ARIH1: variants seen among roughly 807,000 people sequenced by gnomAD.
ARIH1 encodes the protein ariadne RBR E3 ubiquitin protein ligase 1.
In ARIH1, 8 loss-of-function variants were observed where a neutral mutation model predicts 85.0. The ratio of observed to expected loss-of-function variants is 0.09; its 90% CI spans 0.06 to 0.17. The LOEUF is 0.17. ARIH1 is among the 10% of genes least tolerant of loss of function. The pLI, the probability that ARIH1 is intolerant of heterozygous loss-of-function variation, is 1.00. For synonymous variants in ARIH1, 238 were observed against 253.6 expected (o/e 0.94, Z 0.59); for missense variants, 311 against 718.1 (o/e 0.43, Z 6.48).
intron 1 of ARIH1, among the ~76,000 whole-genome samples, chr15:72,504,796 C>T (rs1179131393): frequency 6.6e-6 from 1 of 152,098 alleles, no homozygotes; most frequent in Non-Finnish European, 1.5e-5. Context: ...CCCCTGTCTG[C>T]CTAGAATGTC....
chr15:72,568,337 C>G (rs2064229864), intron 9 of ARIH1, among the ~76,000 whole-genome samples: 2 of 152,082 alleles, frequency 1.3e-5, no homozygotes, highest in South Asian at 4.1e-4. Flanking sequence ...TCCCAGAATT[C>G]TTTAATATGC....
intron 1 of ARIH1, among the ~76,000 whole-genome samples, chr15:72,506,351 C>CAAAAAAAAAAA (rs71134002): frequency 0.023 from 1,687 of 73,042 alleles, 318 homozygotes; most frequent in Middle Eastern, 0.16. Flanking sequence ...CTCCGTCTCA[C>CAAAAAAAAAAA]AAAAAAAAAA....
At chr15:72,526,150 ATATATT>A (rs1304432722) in intron 2 of ARIH1, among the ~76,000 whole-genome samples, 3 of 152,116 alleles carry the variant, frequency 2.0e-5, no homozygotes, top group Admixed American at 1.3e-4. Context: ...CCTTATTTCG[ATATATT>A]TAAAGATAAA....
chr15:72,602,947 T>C lies in ARIH1; in HGVS notation c.*19655T>C, dbSNP rs1406663208. 6.6e-6 allele frequency: 1 copy of C among 152,196 alleles called. No individual in the cohort carries two copies. Among genetic ancestry groups the C allele is most frequent in the African/African-American group, 2.4e-5 (1 of 41,452 alleles). 9.4% of individuals were successfully genotyped at this position (152,196 alleles called of 1,614,324 possible). A position where few individuals can be genotyped will look rare whatever the true frequency, so the allele number is the denominator to read the frequency against. ...TTGGCTCCCCGTCTCCATTTTGCTA[T>C]GGCAAACATTTTTTTCCAGAAATAT... On this transcript the variant is annotated 3_prime_UTR_variant, in exon 14 of 14. Transcript: ENST00000379887.
rs1238719830 is a variant in ARIH1 at position 72,593,922 on chromosome 15, GA to G, written c.*10636del. 2 of 149,354 alleles carry G rather than the reference GA, an allele frequency of 1.3e-5. No homozygotes were observed. Among genetic ancestry groups the G allele is most frequent in the East Asian group, 1.9e-4 (1 of 5,164 alleles). The allele number at this position is 149,354 out of a possible 1,614,324, so 9.3% of individuals were successfully genotyped here. ...ACCCTGTCAAAAAAAAAAAAGAAAA[GA>G]AAAAACTGCTAGAATCTTGATATGG... On this transcript the variant is annotated 3_prime_UTR_variant, in exon 14 of 14. Transcript: ENST00000379887.
rs541906397 is a variant in ARIH1 at position 72,526,967 on chromosome 15, G to C, written c.443+8833G>C. 3.3e-5 allele frequency among the ~76,000 whole-genome samples: 5 copies of C among 150,398 alleles called. No homozygotes were observed. The East Asian group carries it at 9.8e-4, about 30-fold the overall frequency. On this transcript the variant is annotated intron_variant, in intron 2 of 13. Coordinates refer to ENST00000379887, the MANE Select transcript of ARIH1 (RefSeq NM_005744.5). ...TTCTTTCCATGCCTCTCCAGATGAA[G>C]CAAAGCAAAGCATAAAATCAGAAAT...
intron 3 of ARIH1, among the ~76,000 whole-genome samples, chr15:72,554,716 G>T (rs989465346): frequency 6.6e-6 from 1 of 152,018 alleles, no homozygotes; most frequent in Non-Finnish European, 1.5e-5. Context: ...AGCTGTTCTA[G>T]TGAGGGTGAA....
In ARIH1 at chr15:72,602,803, C is replaced by T. The variant is rs1388637989; in HGVS notation, c.*19511C>T. 6.6e-6 allele frequency: 1 copy of T among 152,184 alleles called. No individual in the cohort carries two copies. Among genetic ancestry groups the T allele is most frequent in the Non-Finnish European group, 1.5e-5 (1 of 68,050 alleles). The allele number at this position is 152,184 out of a possible 1,614,324, so 9.4% of individuals were successfully genotyped here. A position where few individuals can be genotyped will look rare whatever the true frequency, so the allele number is the denominator to read the frequency against. ...TGACCTTACCCTGGTCCCTCAAGGA[C>T]TCTCCTTCTCCCCCAAATTAACTTT... On this transcript the variant is annotated 3_prime_UTR_variant, in exon 14 of 14. Transcript: ENST00000379887.
chr15:72,563,762 T>A (rs1249242050), intron 7 of ARIH1, among the ~76,000 whole-genome samples: 2 of 152,192 alleles, frequency 1.3e-5, no homozygotes, highest in African/African-American at 4.8e-5. Flanking sequence ...TATCTTCCTG[T>A]ATGCTCCACT....
At position 72,582,123 on chromosome 15, in the gene ARIH1, C is replaced by G; in HGVS notation, c.1525C>G (p.Leu509Val). 1 of 1,613,510 alleles carries G rather than the reference C, an allele frequency of 6.2e-7. No individual in the cohort carries two copies. Among genetic ancestry groups the G allele is most frequent in the Non-Finnish European group, 8.5e-7 (1 of 1,179,612 alleles). The change falls in exon 13 of 14, where the codon CTT becomes GTT. Residue 509 changes from leucine (L) to valine (V), a missense_variant. Around this residue, in one of 3 missense-constraint regions of ARIH1, gnomAD observed 50 missense variants for 311.7 expected, o/e 0.16. Coordinates refer to ENST00000379887, the MANE Select transcript of ARIH1 (RefSeq NM_005744.5). The surrounding 1 kb of genome is among the most constrained non-coding windows in gnomAD (Gnocchi z 4.6). ...TGCCACAGAGGTGCTCTCGGGCTAC[C>G]TTGAACGAGATATTTCCCAAGATTC... is the stretch of plus-strand genomic sequence containing the variant. Reference protein sequence around the residue: ...ENATEVLSGYLERDISQDSLQ... With the variant: ...ENATEVLSGYVERDISQDSLQ...
chr15:72,521,629 A>G (rs915909347), intron 2 of ARIH1, among the ~76,000 whole-genome samples: 1 of 151,570 alleles, frequency 6.6e-6, no homozygotes, highest in Non-Finnish European at 1.5e-5. Flanking sequence ...GCTCACTGCA[A>G]CCTCCGCCTT....
At position 72,474,866 on chromosome 15, in the gene ARIH1, CCGG is replaced by C. The variant is rs745337436; in HGVS notation, c.231_233del (p.Gly90del). On this transcript the variant is annotated inframe_deletion, in exon 1 of 14. Coordinates refer to ENST00000379887, the MANE Select transcript of ARIH1 (RefSeq NM_005744.5). ...GGTGGCGGCGGCAGCGCTCTGGGGCCCGGCGGTGGCGGCGGCGGCGGCGGCGGC... is the reference window on the plus strand; with the variant it reads ...GGTGGCGGCGGCAGCGCTCTGGGGCCCGGTGGCGGCGGCGGCGGCGGCGGC... The C allele has an allele frequency of 7.0e-7, 1 of 1,418,560 alleles. No homozygotes were observed. The highest frequency in any genetic ancestry group is 9.3e-7 in the Non-Finnish European group (1 of 1,079,936). The allele number at this position is 1,418,560 out of a possible 1,614,324, so 87.9% of individuals were successfully genotyped here. A position where few individuals can be genotyped will look rare whatever the true frequency, so the allele number is the denominator to read the frequency against.
intron 2 of ARIH1, among the ~76,000 whole-genome samples, chr15:72,531,449 G>C (rs1183084408): frequency 6.6e-6 from 1 of 152,000 alleles, no homozygotes; most frequent in South Asian, 2.1e-4. Context: ...AGTATTTTTA[G>C]TAGAGATGGG....
chr15:72,559,203 T>C (rs1215307336), intron 5 of ARIH1, among the ~76,000 whole-genome samples: 4 of 152,136 alleles, frequency 2.6e-5, no homozygotes, highest in Admixed American at 2.6e-4. Context: ...GGTTGAAAAA[T>C]ATTCATAAAT....
intron 1 of ARIH1, among the ~76,000 whole-genome samples, chr15:72,476,182 CT>C (rs907400710): frequency 1.3e-5 from 2 of 152,112 alleles, no homozygotes; most frequent in Non-Finnish European, 2.9e-5. Context: ...CTATTATTAA[CT>C]GATTTTTATA....
chr15:72,549,650 G>T (rs1034863636), intron 3 of ARIH1, among the ~76,000 whole-genome samples: 70 of 152,040 alleles, frequency 4.6e-4, no homozygotes, highest in Non-Finnish European at 5.6e-4. Context: ...AAACAAAGGG[G>T]TTTCAATTTT....
intron 2 of ARIH1, among the ~76,000 whole-genome samples, chr15:72,537,673 A>G (rs2064088765): frequency 6.6e-6 from 1 of 152,202 alleles, no homozygotes; most frequent in East Asian, 1.9e-4. Context: ...AAAAGTAGAA[A>G]AAAATTACAT....
At chr15:72,553,128 G>A (rs866942901) in intron 3 of ARIH1, among the ~76,000 whole-genome samples, 16 of 152,200 alleles carry the variant, frequency 1.1e-4, no homozygotes, top group Middle Eastern at 3.4e-3. Context: ...TAAAGTAATT[G>A]TTTTTAGTAA....
Position 72,474,656 on chromosome 15 carries a change from G to T in ARIH1, c.17G>T (p.Gly6Val). ...CGTCGCGCCATGGACTCGGACGAGG[G>T]CTACAACTACGAGTTCGACGAGGAC... MDSDEGYNYEFDEDEE... is the reference protein window; with the variant it reads MDSDEVYNYEFDEDEE... Residue 6 changes from glycine to valine, a missense_variant, in exon 1 of 14, where the codon GGC becomes GTC. Transcript: ENST00000379887. The T allele has an allele frequency of 1.3e-6, 2 of 1,547,258 alleles. No individual in the cohort carries two copies.
Sources: allele counts gnomAD v4.1 joint callset (sites outside exome capture counted in the v4.1 genomes callset), GRCh38; gene constraint gnomAD v4.1.1; regional missense constraint gnomAD v4.1.1; non-coding constraint Gnocchi (gnomAD v3.1); transcripts MANE v1.5; gene names NCBI Gene and HGNC (gene_info 2026-07-23, HGNC 2026-07-21).